ARPP21: variants seen among roughly 807,000 people sequenced by gnomAD.
ARPP21 encodes the protein cAMP regulated phosphoprotein 21.
ARPP21 carries 69 observed loss-of-function variants against 113.2 expected under a neutral mutation model. The observed-to-expected ratio is 0.61, with a 90% CI of 0.50 to 0.74. The LOEUF (loss-of-function observed/expected upper bound fraction) is 0.74. Ranked by LOEUF, ARPP21 falls within the 30% of genes least tolerant of loss-of-function variation. The pLI is 0.00. For missense variants in ARPP21, 1,070 were observed against 1,037.4 expected (o/e 1.03, Z -0.43); for synonymous variants, 368 against 375.5 (o/e 0.98, Z 0.23).
Position 35,713,291 on chromosome 3 carries a change from A to C in ARPP21, c.898-2148A>C, listed in dbSNP as rs185205591. ...ATCAGCTAGTGAATCACAGCCCATA[A>C]CTGTATCTATCTTATTTATGAAAAT... On this transcript the variant is annotated intron_variant, in intron 11 of 20. Transcript: ENST00000684406. Among the ~76,000 whole-genome samples, 4 of 152,264 alleles carry C rather than the reference A, an allele frequency of 2.6e-5. No individual in the cohort carries two copies. In the East Asian group the frequency reaches 5.8e-4, roughly 22 times the overall value.
At chr3:35,675,280 A>G (rs939666473) in intron 1 of ARPP21, among the ~76,000 whole-genome samples, 8 of 151,602 alleles carry the variant, frequency 5.3e-5, no homozygotes, top group African/African-American at 1.9e-4. Flanking sequence ...TGGGTTATGG[A>G]AGTTTAGGCC....
chr3:35,727,491 C>T (rs549178661), intron 14 of ARPP21, among the ~76,000 whole-genome samples: 1 of 152,318 alleles, frequency 6.6e-6, no homozygotes, highest in African/African-American at 2.4e-5. Flanking sequence ...CCAATTGCCC[C>T]TCTTCTCTGC....
chr3:35,687,082 C>G (rs1169364584), intron 5 of ARPP21, among the ~76,000 whole-genome samples: 1 of 150,754 alleles, frequency 6.6e-6, no homozygotes. Context: ...TACTTCCTAC[C>G]TTTTCTAAAA....
chr3:35,678,066 G>T (rs531733425), intron 1 of ARPP21, among the ~76,000 whole-genome samples: 2 of 151,844 alleles, frequency 1.3e-5, no homozygotes, highest in African/African-American at 2.4e-5. Context: ...TGGTAATTAC[G>T]CATACACATA....
intron 5 of ARPP21, 36 bp downstream of exon 5, chr3:35,683,851 T>C (rs1170054066): frequency 2.9e-6 from 3 of 1,027,206 alleles, no homozygotes; most frequent in Non-Finnish European, 4.6e-6. Context: ...ATTGCATGAA[T>C]GGGATCCACC....
At chr3:35,758,489 G>A (rs760644679) in intron 19 of ARPP21, among the ~76,000 whole-genome samples, 1 of 151,558 alleles carries the variant, frequency 6.6e-6, no homozygotes, top group Non-Finnish European at 1.5e-5. Flanking sequence ...ACAATTCAAG[G>A]AGCTCACACT....
At chr3:35,686,911 C>A (rs763871181) in intron 5 of ARPP21, among the ~76,000 whole-genome samples, 1 of 151,132 alleles carries the variant, frequency 6.6e-6, no homozygotes, top group Admixed American at 6.6e-5. Flanking sequence ...ATTTTCAGTG[C>A]AAAATAAATA....
At chr3:35,767,144 A>T (rs1442777893) in intron 19 of ARPP21, among the ~76,000 whole-genome samples, 1 of 152,170 alleles carries the variant, frequency 6.6e-6, no homozygotes, top group African/African-American at 2.4e-5. Context: ...GTCCACCTCT[A>T]CTGATAACTC....
In ARPP21 at chr3:35,778,636, T is replaced by C. The variant is rs187185773; in HGVS notation, c.2138-13746T>C. 1.2e-4 allele frequency among the ~76,000 whole-genome samples: 18 copies of C among 152,280 alleles called. No individual in the cohort carries two copies. In the East Asian group the frequency reaches 3.5e-3, roughly 29 times the overall value. On this transcript the variant is annotated intron_variant, in intron 19 of 20. Transcript: ENST00000684406. ...CTCCCTTTGTTAAAACCTCTTCAAT[T>C]GAATCATTTCAGTGGAATTCCATTG...
intron 19 of ARPP21, among the ~76,000 whole-genome samples, chr3:35,766,744 A>T (rs1415275826): frequency 1.3e-5 from 2 of 152,190 alleles, no homozygotes; most frequent in Non-Finnish European, 2.9e-5. Context: ...TTATAGATGC[A>T]ATGCTTTCCA....
intron 16 of ARPP21, among the ~76,000 whole-genome samples, chr3:35,737,830 G>A (rs1259102912): frequency 5.3e-5 from 8 of 152,144 alleles, no homozygotes; most frequent in South Asian, 2.1e-4. Flanking sequence ...AGAGAGATGC[G>A]GAGCTGCCCT....
chr3:35,792,533 G>T lies in ARPP21; in HGVS notation c.2286+3G>T, dbSNP rs60254370. Reference sequence around the variant, plus strand: ...ACCCAACAATGTCTTCTTATCAGGTGCTCATAAGCAGCTTGGAAAATTGTG... The same window carrying T: ...ACCCAACAATGTCTTCTTATCAGGTTCTCATAAGCAGCTTGGAAAATTGTG... On this transcript the variant is annotated splice_donor_region_variant and intron_variant, in intron 20 of 20. Coordinates refer to ENST00000684406, the MANE Select transcript of ARPP21 (RefSeq NM_001385562.1). 975 of 1,613,932 alleles carry T rather than the reference G, an allele frequency of 6.0e-4. 8 individuals are homozygous for T. In the African/African-American group the frequency reaches 0.012, roughly 19 times the overall value.
intron 9 of ARPP21, among the ~76,000 whole-genome samples, chr3:35,694,565 G>C (rs183988663): frequency 6.6e-6 from 1 of 151,398 alleles, no homozygotes; most frequent in African/African-American, 2.4e-5. Flanking sequence ...GGGGCTTACA[G>C]GGAAGCAATG....
chr3:35,732,090 C>T (rs149861912), intron 15 of ARPP21, among the ~76,000 whole-genome samples: 211 of 152,186 alleles, frequency 1.4e-3, no homozygotes, highest in African/African-American at 4.9e-3. Context: ...AGCAGTTTTT[C>T]AGCTAATGTC....
rs867065450 is a variant in ARPP21 at position 35,645,608 on chromosome 3, T to C, written c.-213+5210T>C. ...CCCACACAAGTTAGGAAATAATTCC[T>C]TGTGGTAGGGACATTTAAAAGAACT... On this transcript the variant is annotated intron_variant, in intron 1 of 20. Transcript: ENST00000684406. Among the ~76,000 whole-genome samples, 61 of 152,104 alleles carry C rather than the reference T, an allele frequency of 4.0e-4. 1 individual carries two copies. In the Middle Eastern group the frequency reaches 0.01, roughly 25 times the overall value.
At chr3:35,786,972 A>G (rs546251280) in intron 19 of ARPP21, among the ~76,000 whole-genome samples, 2 of 152,216 alleles carry the variant, frequency 1.3e-5, no homozygotes, top group Admixed American at 6.5e-5. Flanking sequence ...TACTGTGAAC[A>G]CCACAGTGCT....
rs1278558212 is a variant in ARPP21, at chr3:35,743,706, A to G, written c.2011-133A>G. 8 of 860,866 alleles carry G rather than the reference A, an allele frequency of 9.3e-6. No individual in the cohort carries two copies. The East Asian group carries it at 1.3e-4, about 14-fold the overall frequency. 53.3% of individuals were successfully genotyped at this position (860,866 alleles called of 1,614,324 possible). ...CGGGAGAAGTAGCATGCACATACAC[A>G]TAGGCATGGGAGAAGTTTGCGGTGG... On this transcript the variant is annotated intron_variant, in intron 18 of 20. Transcript: ENST00000684406.
At chr3:35,743,234 T>A (rs971604317) in intron 18 of ARPP21, among the ~76,000 whole-genome samples, 1 of 152,212 alleles carries the variant, frequency 6.6e-6, no homozygotes, top group African/African-American at 2.4e-5. Flanking sequence ...AAGTTAGATA[T>A]AATATTTAAA....
chr3:35,645,995 C>T (rs186273740), intron 1 of ARPP21, among the ~76,000 whole-genome samples: 3 of 151,968 alleles, frequency 2.0e-5, no homozygotes, highest in Admixed American at 2.0e-4. Context: ...TTTTATGGTC[C>T]TATGAATTGT....
Sources: gnomAD v4.1 joint callset for allele counts (sites outside exome capture counted in the v4.1 genomes callset) on GRCh38, gnomAD v4.1.1 for gene constraint, MANE v1.5 for transcripts, NCBI Gene and HGNC (gene_info 2026-07-23, HGNC 2026-07-21) for gene names.